Variants in FHOD3 observed in about 807,000 individuals in gnomAD.
FHOD3 encodes the protein formin homology 2 domain containing 3.
In FHOD3, 90 loss-of-function variants were observed where a neutral mutation model predicts 173.0. The ratio of observed to expected loss-of-function variants is 0.52; its 90% CI spans 0.44 to 0.62. The LOEUF is 0.62. Among genes scored for constraint, FHOD3 ranks in the 20% least tolerant of loss-of-function variants. The pLI is 0.00. For missense variants in FHOD3, 1,945 were observed against 2,034.7 expected, an observed-to-expected ratio of 0.96 and a Z score of 0.85; for synonymous variants, 828 against 823.0, an observed-to-expected ratio of 1.01 and a Z score of -0.10.
rs148743200 is a variant in FHOD3, at chr18:36,365,544, A to G, written c.273-7136A>G. Reference sequence around the variant, plus strand: ...GGACACAGAGCGATTGCAGATGGGTATGAAGGTTTGGGGGTGTTTTTGCAT... The same window carrying G: ...GGACACAGAGCGATTGCAGATGGGTGTGAAGGTTTGGGGGTGTTTTTGCAT... On this transcript the variant is annotated intron_variant, in intron 2 of 28. Transcript: ENST00000590592. 4.7e-3 allele frequency among the ~76,000 whole-genome samples: 711 copies of G among 152,316 alleles called. 5 individuals are homozygous for G. The highest frequency in any genetic ancestry group is 4.6e-3 in the Non-Finnish European group (314 of 68,024).
chr18:36,315,185 T>A (rs1316393469), intron 1 of FHOD3, among the ~76,000 whole-genome samples: 3 of 152,222 alleles, frequency 2.0e-5, no homozygotes, highest in Non-Finnish European at 4.4e-5. Context: ...CATAGTCGAT[T>A]CATATTGAAC....
chr18:36,450,503 T>C (rs1038443377), intron 3 of FHOD3, among the ~76,000 whole-genome samples: 4 of 151,670 alleles, frequency 2.6e-5, no homozygotes, highest in African/African-American at 7.3e-5. Context: ...TAAAGAAAAC[T>C]CCCTGAGGCC....
At chr18:36,635,131 C>T (rs1270588064) in intron 10 of FHOD3, among the ~76,000 whole-genome samples, 2 of 152,084 alleles carry the variant, frequency 1.3e-5, no homozygotes, top group Non-Finnish European at 2.9e-5. Flanking sequence ...TCTGGGAAGG[C>T]TGGGAGAGTG....
At chr18:36,742,033 A>G (rs1273492631) in intron 21 of FHOD3, among the ~76,000 whole-genome samples, 1 of 152,122 alleles carries the variant, frequency 6.6e-6, no homozygotes, top group African/African-American at 2.4e-5. Flanking sequence ...CAGGGAGAAA[A>G]CAGATCACTG....
intron 5 of FHOD3, among the ~76,000 whole-genome samples, chr18:36,547,397 T>C (rs1456297330): frequency 2.0e-5 from 3 of 152,198 alleles, no homozygotes; most frequent in African/African-American, 7.2e-5. Context: ...AAAAAAATTC[T>C]TGTTTTTCTG....
At chr18:36,506,354 C>T (rs2055298146) in intron 4 of FHOD3, among the ~76,000 whole-genome samples, 1 of 152,196 alleles carries the variant, frequency 6.6e-6, no homozygotes, top group African/African-American at 2.4e-5. Flanking sequence ...ATACTACTGC[C>T]AACACTGGAA....
intron 20 of FHOD3, among the ~76,000 whole-genome samples, chr18:36,731,328 G>A (rs4799883): frequency 0.4 from 60,566 of 152,102 alleles, 12,616 homozygotes; most frequent in African/African-American, 0.53. Flanking sequence ...GGCTGTGACC[G>A]CACAGCTGGT....
chr18:36,617,582 C>CGTGTGT (rs1568500290), intron 9 of FHOD3, among the ~76,000 whole-genome samples: 101 of 61,390 alleles, frequency 1.6e-3, no homozygotes, highest in African/African-American at 5.1e-3. Context: ...CTTGTACTTC[C>CGTGTGT]CTGTGTGTGT....
At chr18:36,778,747 T>G (rs188986311) in intron 28 of FHOD3, 1 of 152,322 alleles carries the variant, frequency 6.6e-6, no homozygotes, top group East Asian at 1.9e-4. Context: ...CAGAATAAGT[T>G]TGGCAGTTTG....
chr18:36,309,195 T>C (rs9304157), intron 1 of FHOD3, among the ~76,000 whole-genome samples: 26,154 of 152,026 alleles, frequency 0.17, 4,550 homozygotes, highest in African/African-American at 0.44. Flanking sequence ...AGTACCAGCT[T>C]GTGAGCCAGG....
intron 11 of FHOD3, among the ~76,000 whole-genome samples, chr18:36,652,075 A>G (rs2036093633): frequency 6.6e-6 from 1 of 152,138 alleles, no homozygotes; most frequent in Non-Finnish European, 1.5e-5. Flanking sequence ...TGCTGTCACA[A>G]AAGGTTCTGG....
chr18:36,636,482 C>G (rs80317472), intron 10 of FHOD3, among the ~76,000 whole-genome samples: 3,914 of 152,172 alleles, frequency 0.026, 177 homozygotes, highest in African/African-American at 0.09. Flanking sequence ...CAAAGAAAGC[C>G]TGGGCACATT....
At chr18:36,720,356 G>A (rs956452515) in intron 19 of FHOD3, among the ~76,000 whole-genome samples, 10 of 149,394 alleles carry the variant, frequency 6.7e-5, no homozygotes, top group Admixed American at 2.0e-4. Flanking sequence ...TCCTGCCTCC[G>A]CCTCCTGAGT....
intron 1 of FHOD3, among the ~76,000 whole-genome samples, chr18:36,318,914 T>C (rs1457979947): frequency 6.6e-6 from 1 of 152,218 alleles, no homozygotes; most frequent in East Asian, 1.9e-4. Flanking sequence ...CCTAGTTTAC[T>C]GGGAGTTTTT....
chr18:36,736,947 C>T (rs999553485), intron 20 of FHOD3, among the ~76,000 whole-genome samples: 35 of 152,100 alleles, frequency 2.3e-4, no homozygotes, highest in African/African-American at 6.3e-4. Context: ...AAATTATGAT[C>T]GTGCAATTAT....
chr18:36,395,880 G>A (rs1213615294), intron 3 of FHOD3, among the ~76,000 whole-genome samples: 1 of 152,170 alleles, frequency 6.6e-6, no homozygotes, highest in Non-Finnish European at 1.5e-5. Context: ...TAATTTGTCT[G>A]TAGATATTAC....
At chr18:36,685,164 T>C (rs2149434408) in intron 15 of FHOD3, among the ~76,000 whole-genome samples, 1 of 152,310 alleles carries the variant, frequency 6.6e-6, no homozygotes, top group East Asian at 1.9e-4. Flanking sequence ...GAGTAAGAAT[T>C]AGGCCTGGAA....
At position 36,425,105 on chromosome 18, in the gene FHOD3, G is replaced by T. The variant is rs545449972; in HGVS notation, c.337+52361G>T. Among the ~76,000 whole-genome samples, 6 of 152,300 alleles carry T rather than the reference G, an allele frequency of 3.9e-5. No individual in the cohort carries two copies. The South Asian group carries it at 1.2e-3, about 32-fold the overall frequency. On this transcript the variant is annotated intron_variant, in intron 3 of 28. Coordinates refer to ENST00000590592, the MANE Select transcript of FHOD3 (RefSeq NM_001281740.3). ...AAGAAAAAAATTATATGCTGAGGTT[G>T]CTAAGATGTACAGTACATAAGATAT...
At chr18:36,437,504 G>A (rs991335501) in intron 3 of FHOD3, among the ~76,000 whole-genome samples, 6 of 152,020 alleles carry the variant, frequency 3.9e-5, no homozygotes, top group African/African-American at 1.2e-4. Context: ...TGAGTCTAAT[G>A]TTAAAATATT....
Sources: allele counts gnomAD v4.1 joint callset (sites outside exome capture counted in the v4.1 genomes callset), GRCh38; gene constraint gnomAD v4.1.1; transcripts MANE v1.5; gene names NCBI Gene and HGNC (gene_info 2026-07-23, HGNC 2026-07-21).